DRICH1: variants seen among roughly 807,000 people sequenced by gnomAD.
DRICH1 encodes the protein aspartate-rich protein 1.
In DRICH1, 38 loss-of-function variants were observed where a neutral mutation model predicts 39.5. The observed-to-expected ratio is 0.96, with a 90% CI of 0.74 to 1.26. DRICH1 has a LOEUF of 1.26. DRICH1 is among the 50% of genes most tolerant of loss of function. DRICH1 has a pLI of 0.00. For missense variants in DRICH1, 279 were observed against 270.4 expected, an observed-to-expected ratio of 1.03 and a Z score of -0.22; for synonymous variants, 84 against 99.5, an observed-to-expected ratio of 0.84 and a Z score of 0.93.
In DRICH1 at chr22:23,617,698, G is replaced by T. The variant is rs765747673; in HGVS notation, c.437-41C>A. The T allele has an allele frequency of 8.2e-6, 13 of 1,592,148 alleles. No individual in the cohort carries two copies. In the South Asian group the frequency reaches 1.4e-4, roughly 18 times the overall value. On this transcript the variant is annotated intron_variant, in intron 6 of 11. Transcript: ENST00000317749. ...GGAAAGATCCGTGCCCTGGTTGTTT[G>T]TGACTGTGAGTCACTCAGGGAGCTT...
intron 4 of DRICH1, among the ~76,000 whole-genome samples, chr22:23,621,255 G>C (rs549926620): frequency 5.3e-4 from 80 of 151,978 alleles, no homozygotes; most frequent in African/African-American, 1.9e-3. Flanking sequence ...AACCAAAGAA[G>C]TTTAGTCTAA....
downstream of DRICH1, among the ~76,000 whole-genome samples, chr22:23,604,844 G>C (rs1055619995): frequency 5.3e-5 from 8 of 152,174 alleles, no homozygotes; most frequent in Non-Finnish European, 8.8e-5. Context: ...TCAATCACTA[G>C]AGCTGCTAAG....
chr22:23,627,893 C>T, intron 1 of DRICH1, among the ~76,000 whole-genome samples: 1 of 152,250 alleles, frequency 6.6e-6, no homozygotes, highest in East Asian at 1.9e-4. Context: ...AGAACTCATC[C>T]CAGGGGTGTG....
the DRICH1 span, among the ~76,000 whole-genome samples, chr22:23,589,659 C>T: frequency 5.3e-5 from 8 of 152,052 alleles, no homozygotes; most frequent in Non-Finnish European, 1.2e-4. Context: ...ACAGTCATGT[C>T]AAAACAAAGA....
chr22:23,587,986 C>G, the DRICH1 span, among the ~76,000 whole-genome samples: 1 of 152,146 alleles, frequency 6.6e-6, no homozygotes, highest in Non-Finnish European at 1.5e-5. Flanking sequence ...ATCTGGTCAC[C>G]CTGGCCTGCC....
downstream of DRICH1, among the ~76,000 whole-genome samples, chr22:23,604,047 A>G (rs567705199): frequency 3.9e-5 from 6 of 152,168 alleles, no homozygotes; most frequent in Admixed American, 1.3e-4. Context: ...ATCTGTCCTC[A>G]TATCAGTCAA....
chr22:23,631,540 A>G (rs1928387513), intron 1 of DRICH1, among the ~76,000 whole-genome samples: 1 of 152,232 alleles, frequency 6.6e-6, no homozygotes, highest in Non-Finnish European at 1.5e-5. Flanking sequence ...CAAACCGGCC[A>G]GATAGGTGAG....
At chr22:23,619,909 T>C (rs1927615180) in intron 5 of DRICH1, among the ~76,000 whole-genome samples, 1 of 151,796 alleles carries the variant, frequency 6.6e-6, no homozygotes, top group African/African-American at 2.4e-5. Flanking sequence ...GATCCATTTC[T>C]CCTATGCATC....
At chr22:23,614,241 T>C in intron 8 of DRICH1, 27 bp from the exon 9 acceptor site, 2 of 1,560,544 alleles carry the variant, frequency 1.3e-6, no homozygotes, top group Non-Finnish European at 1.8e-6. Context: ...GAAAGATCAG[T>C]GCACCGGTGG....
the DRICH1 span, among the ~76,000 whole-genome samples, chr22:23,589,994 G>A: frequency 0.28 from 41,828 of 151,966 alleles, 6,153 homozygotes; most frequent in Non-Finnish European, 0.34. Context: ...CTCGATCCCC[G>A]GATGTCTATT....
intron 7 of DRICH1, among the ~76,000 whole-genome samples, chr22:23,617,256 C>T (rs1248464049): frequency 2.0e-5 from 3 of 152,132 alleles, no homozygotes; most frequent in African/African-American, 2.4e-5. Context: ...GTATGTTGTA[C>T]ATAATGTGAC....
chr22:23,598,454 C>G, the DRICH1 span, among the ~76,000 whole-genome samples: 1,042 of 151,466 alleles, frequency 6.9e-3, 1 homozygote, highest in African/African-American at 0.023. Context: ...GAGGAGGAAA[C>G]TGAGGCCCAC....
intron 11 of DRICH1, among the ~76,000 whole-genome samples, chr22:23,609,965 C>T (rs138521459): frequency 2.0e-5 from 3 of 152,262 alleles, no homozygotes; most frequent in African/African-American, 7.2e-5. Flanking sequence ...CTGCTTTCCT[C>T]CCTCCCTGCC....
chr22:23,589,424 C>T, the DRICH1 span, among the ~76,000 whole-genome samples: 49 of 151,608 alleles, frequency 3.2e-4, no homozygotes, highest in Non-Finnish European at 5.9e-4. Flanking sequence ...GCACTCCAGC[C>T]TGGGCGACAG....
chr22:23,616,780 C>T (rs1927373976), intron 8 of DRICH1, 73 bp downstream of exon 8: 1 of 1,581,260 alleles, frequency 6.3e-7, no homozygotes, highest in Non-Finnish European at 8.7e-7. Context: ...TAACAGGAAC[C>T]CAGATTAAGG....
At position 23,622,115 on chromosome 22, in the gene DRICH1, A is replaced by C; in HGVS notation, c.360T>G (p.Asp120Glu). ...CLPRSEDDDC[D>E]DDDDDDAQIL... ...CCTGGGCATCATCATCATCATCATC[A>C]TCACAGTCATCATCTTCACTTCGTG... Residue 120 changes from aspartate (D) to glutamate (E), a missense_variant, in exon 4 of 12, where the codon GAT becomes GAG. Coordinates refer to ENST00000317749, the MANE Select transcript of DRICH1 (RefSeq NM_016449.4). The C allele has an allele frequency of 6.2e-7, 1 of 1,613,576 alleles. No homozygotes were observed. Among genetic ancestry groups the C allele is most frequent in the Non-Finnish European group, 8.5e-7 (1 of 1,179,540 alleles).
chr22:23,599,401 T>C, the DRICH1 span, among the ~76,000 whole-genome samples: 1,678 of 152,318 alleles, frequency 0.011, 26 homozygotes, highest in African/African-American at 0.032. Flanking sequence ...TACCAGGTGG[T>C]CACTGCCTGT....
chr22:23,591,871 T>C, the DRICH1 span, among the ~76,000 whole-genome samples: 5 of 152,172 alleles, frequency 3.3e-5, no homozygotes, highest in Non-Finnish European at 5.9e-5. Flanking sequence ...AAACCCCAAA[T>C]TTGGCCTTCT....
the DRICH1 span, among the ~76,000 whole-genome samples, chr22:23,602,921 C>T: frequency 0.13 from 20,256 of 151,948 alleles, 1,722 homozygotes; most frequent in East Asian, 0.25. Context: ...ATGTTCCCTA[C>T]CATGGATATA....
Sources: allele counts gnomAD v4.1 joint callset (sites outside exome capture counted in the v4.1 genomes callset), GRCh38; gene constraint gnomAD v4.1.1; transcripts MANE v1.5; gene names NCBI Gene and HGNC (gene_info 2026-07-23, HGNC 2026-07-21).